Variants in CHMP4B observed in about 807,000 individuals in gnomAD.
CHMP4B encodes the protein charged multivesicular body protein 4B.
Under a neutral mutation model 25.1 loss-of-function variants are expected in CHMP4B, and 1 was observed. The ratio of observed to expected loss-of-function variants is 0.04; its 90% CI spans 0.01 to 0.19. The LOEUF is 0.19. Ranked by LOEUF, CHMP4B falls within the 10% of genes least tolerant of loss-of-function variation. The pLI, the probability that CHMP4B is intolerant of heterozygous loss-of-function variation, is 1.00. For synonymous variants in CHMP4B, 101 were observed against 115.6 expected, an observed-to-expected ratio of 0.87 and a Z score of 0.81; for missense variants, 151 against 289.7, an observed-to-expected ratio of 0.52 and a Z score of 3.48.
intron 1 of CHMP4B, among the ~76,000 whole-genome samples, chr20:33,836,966 C>T (rs368004121): frequency 5.8e-4 from 88 of 152,288 alleles, no homozygotes; most frequent in Middle Eastern, 3.4e-3. Flanking sequence ...GGATTTGAAT[C>T]CTGACTCTGC....
intron 1 of CHMP4B, among the ~76,000 whole-genome samples, chr20:33,825,980 G>A (rs549088601): frequency 1.3e-4 from 20 of 152,266 alleles, no homozygotes; most frequent in African/African-American, 4.8e-4. Flanking sequence ...AGGTTGTTAA[G>A]TTCCACCCAG....
At chr20:33,820,263 C>T (rs1978903210) in intron 1 of CHMP4B, among the ~76,000 whole-genome samples, 1 of 152,086 alleles carries the variant, frequency 6.6e-6, no homozygotes, top group Non-Finnish European at 1.5e-5. Flanking sequence ...TTTATGAGAT[C>T]CTCAGGTGGT....
chr20:33,817,069 C>T (rs1158507090), intron 1 of CHMP4B, among the ~76,000 whole-genome samples: 1 of 152,214 alleles, frequency 6.6e-6, no homozygotes, highest in Non-Finnish European at 1.5e-5. Context: ...CTCTTTGGTT[C>T]TCTGGAATCA....
At chr20:33,844,091 T>A (rs1236427399) in intron 1 of CHMP4B, among the ~76,000 whole-genome samples, 5 of 152,214 alleles carry the variant, frequency 3.3e-5, no homozygotes, top group African/African-American at 1.2e-4. Context: ...CCCGGGACTG[T>A]CCCTCATACT....
At chr20:33,816,593 G>A (rs903570613) in intron 1 of CHMP4B, among the ~76,000 whole-genome samples, 4 of 151,946 alleles carry the variant, frequency 2.6e-5, no homozygotes, top group Non-Finnish European at 5.9e-5. Flanking sequence ...TGGAGAACAT[G>A]TGGGAAAAAA....
chr20:33,827,576 CT>C (rs1163351697), intron 1 of CHMP4B, among the ~76,000 whole-genome samples: 1 of 152,246 alleles, frequency 6.6e-6, no homozygotes, highest in African/African-American at 2.4e-5. Flanking sequence ...AGCTGCTCCC[CT>C]GATCCTGCAT....
chr20:33,821,059 G>C (rs1314369207), intron 1 of CHMP4B, among the ~76,000 whole-genome samples: 3 of 152,138 alleles, frequency 2.0e-5, no homozygotes, highest in African/African-American at 7.2e-5. Flanking sequence ...CCTGAGCAGT[G>C]GATTCTCTAC....
chr20:33,837,210 A>G (rs1006654979), intron 1 of CHMP4B, among the ~76,000 whole-genome samples: 4 of 152,124 alleles, frequency 2.6e-5, no homozygotes, highest in Non-Finnish European at 5.9e-5. Context: ...GCTTGAGCTC[A>G]GGAGTTGGAG....
Position 33,811,415 on chromosome 20 carries a change from C to T in CHMP4B, c.-54C>T, listed in dbSNP as rs1978603209. The stretch of plus-strand genomic sequence containing the variant: ...GCGCCGGAGCCGACCCGAGCCGAGC[C>T]GAGCCGAGCCGAGCCGGAGCGGGCG... On this transcript the variant is annotated 5_prime_UTR_variant, in exon 1 of 5. Coordinates refer to ENST00000217402, the MANE Select transcript of CHMP4B (RefSeq NM_176812.5). 1 of 1,409,112 alleles carries T rather than the reference C, an allele frequency of 7.1e-7. No individual in the cohort carries two copies. Among genetic ancestry groups the T allele is most frequent in the African/African-American group, 1.5e-5 (1 of 66,404 alleles). The allele number at this position is 1,409,112 out of a possible 1,614,324, so 87.3% of individuals were successfully genotyped here.
At chr20:33,817,406 A>C (rs189349096) in intron 1 of CHMP4B, among the ~76,000 whole-genome samples, 1 of 152,212 alleles carries the variant, frequency 6.6e-6, no homozygotes, top group Non-Finnish European at 1.5e-5. Flanking sequence ...TAGGTTTATA[A>C]TGTGATTTGT....
chr20:33,840,446 T>C (rs1310252944), intron 1 of CHMP4B, among the ~76,000 whole-genome samples: 1 of 152,216 alleles, frequency 6.6e-6, no homozygotes, highest in Non-Finnish European at 1.5e-5. Context: ...CCATCTTGCA[T>C]CTGACAAACA....
At chr20:33,841,985 C>G (rs1336615912) in intron 1 of CHMP4B, among the ~76,000 whole-genome samples, 1 of 152,100 alleles carries the variant, frequency 6.6e-6, no homozygotes, top group East Asian at 1.9e-4. Flanking sequence ...CTGGTTCTTT[C>G]TCTGTCTCAC....
intron 2 of CHMP4B, among the ~76,000 whole-genome samples, chr20:33,849,994 C>G (rs1232984157): frequency 1.3e-5 from 2 of 152,204 alleles, no homozygotes; most frequent in Non-Finnish European, 2.9e-5. Context: ...CCAGACTGGT[C>G]TCAAACTCCT....
chr20:33,851,557 C>T (rs187759129), intron 3 of CHMP4B, among the ~76,000 whole-genome samples: 1 of 151,878 alleles, frequency 6.6e-6, no homozygotes, highest in African/African-American at 2.4e-5. Context: ...TGGTACCAGC[C>T]CCTGTTGAAG....
At chr20:33,839,730 TGC>T (rs749134713) in intron 1 of CHMP4B, among the ~76,000 whole-genome samples, 8 of 152,074 alleles carry the variant, frequency 5.3e-5, no homozygotes. Context: ...CAGGCCCAGC[TGC>T]CTGCTTGGTG....
chr20:33,819,423 A>T (rs910139348), intron 1 of CHMP4B, among the ~76,000 whole-genome samples: 5 of 152,208 alleles, frequency 3.3e-5, no homozygotes, highest in African/African-American at 1.2e-4. Context: ...TAGTAAAGGG[A>T]TGAGCATCTA....
At position 33,828,363 on chromosome 20, in the gene CHMP4B, G is replaced by A. The variant is rs548014967; in HGVS notation, c.190+16705G>A. 2.6e-5 allele frequency among the ~76,000 whole-genome samples: 4 copies of A among 152,300 alleles called. No homozygotes were observed. In the South Asian group the frequency reaches 6.2e-4, roughly 24 times the overall value. On this transcript the variant is annotated intron_variant, in intron 1 of 4. Transcript: ENST00000217402. ...TAGCCTCACCTGTTTCTCAACAGAC[G>A]CTGTGGTAAATGTGGCCAACCCTGC...
chr20:33,815,853 A>T (rs1043494902), intron 1 of CHMP4B, among the ~76,000 whole-genome samples: 2 of 152,214 alleles, frequency 1.3e-5, no homozygotes, highest in African/African-American at 4.8e-5. Context: ...TAAGGGTGTC[A>T]TCATGACCAT....
At chr20:33,853,147 G>C (rs1317456557) in intron 4 of CHMP4B, among the ~76,000 whole-genome samples, 1 of 152,132 alleles carries the variant, frequency 6.6e-6, no homozygotes, top group Non-Finnish European at 1.5e-5. Context: ...TGGAGTTGGG[G>C]GTTGGCAAGG....
Sources: allele counts gnomAD v4.1 joint callset (sites outside exome capture counted in the v4.1 genomes callset), GRCh38; gene constraint gnomAD v4.1.1; transcripts MANE v1.5; gene names NCBI Gene and HGNC (gene_info 2026-07-23, HGNC 2026-07-21).